TANC2: variants seen among roughly 807,000 people sequenced by gnomAD.
TANC2 encodes protein TANC2.
In TANC2, 26 loss-of-function variants were observed where a neutral mutation model predicts 210.5. The ratio of observed to expected loss-of-function variants is 0.12; its 90% CI spans 0.09 to 0.17. The LOEUF is 0.17. TANC2 is among the 10% of genes least tolerant of loss of function. TANC2 has a pLI of 1.00. For missense variants in TANC2, 2,129 were observed against 2,608.9 expected, an observed-to-expected ratio of 0.82 and a Z score of 4.01; for synonymous variants, 931 against 967.1, an observed-to-expected ratio of 0.96 and a Z score of 0.69.
At chr17:63,004,826 G>A in intron 1 of TANC2, 1 of 312,394 alleles carries the variant, frequency 3.2e-6, no homozygotes, top group Admixed American at 3.8e-5. Context: ...TCTTTACCAA[G>A]GGCCTTTTTT....
intron 1 of TANC2, among the ~76,000 whole-genome samples, chr17:62,982,985 C>T (rs887008695): frequency 1.3e-5 from 2 of 152,080 alleles, no homozygotes; most frequent in Non-Finnish European, 2.9e-5. Context: ...ATTTCTTTTT[C>T]CTATTTCTGT....
chr17:63,033,267 T>C (rs1157271787), intron 2 of TANC2, among the ~76,000 whole-genome samples: 1 of 152,144 alleles, frequency 6.6e-6, no homozygotes. Context: ...CCAGTCCTTT[T>C]CCGTTCCCCA....
intron 21 of TANC2, among the ~76,000 whole-genome samples, chr17:63,409,428 C>T (rs2048619511): frequency 6.6e-6 from 1 of 152,170 alleles, no homozygotes; most frequent in Admixed American, 6.5e-5. Context: ...TCAAGCAGTC[C>T]TCCCACCTCG....
rs117825642 is a variant in TANC2 at position 63,396,129 on chromosome 17, G to A, written c.3237+201G>A. On this transcript the variant is annotated intron_variant, in intron 18 of 27. Coordinates refer to ENST00000689528, the Ensembl canonical transcript of TANC2. ...TCCCTCAAATTATAGGTATAGAAAG[G>A]TGCGAGTTGGAAAGGACCGTGGAAA... 1,850 of 555,734 alleles carry A rather than the reference G, an allele frequency of 3.3e-3. 4 individuals carry two copies. The highest frequency in any genetic ancestry group is 4.7e-3 in the Non-Finnish European group (1,474 of 316,004). 34.4% of individuals were successfully genotyped at this position (555,734 alleles called of 1,614,324 possible).
At chr17:63,045,849 T>C (rs901597846) in intron 2 of TANC2, among the ~76,000 whole-genome samples, 1 of 152,114 alleles carries the variant, frequency 6.6e-6, no homozygotes, top group East Asian at 1.9e-4. Context: ...CTATATTGCC[T>C]AGGCTGGTCT....
intron 1 of TANC2, among the ~76,000 whole-genome samples, chr17:62,988,675 A>G (rs2032701044): frequency 6.6e-6 from 1 of 152,224 alleles, no homozygotes. Flanking sequence ...AGGAATTTGG[A>G]AGAGAATAAA....
chr17:63,211,528 A>C (rs1440589649), intron 7 of TANC2, among the ~76,000 whole-genome samples: 3 of 152,036 alleles, frequency 2.0e-5, no homozygotes, highest in African/African-American at 7.2e-5. Flanking sequence ...AATCCAGCTG[A>C]GAAGTGTTCT....
intron 2 of TANC2, among the ~76,000 whole-genome samples, chr17:63,044,541 G>A (rs941852736): frequency 1.6e-4 from 25 of 151,950 alleles, no homozygotes; most frequent in African/African-American, 6.0e-4. Context: ...TTTTTTGTGT[G>A]TGTGATCATA....
chr17:63,094,792 T>C (rs1265174131), intron 3 of TANC2, among the ~76,000 whole-genome samples: 1 of 152,178 alleles, frequency 6.6e-6, no homozygotes, highest in African/African-American at 2.4e-5. Context: ...CTTCTGAATG[T>C]CTAGTCACCA....
chr17:63,403,279 G>A (rs2048397763), intron 19 of TANC2, among the ~76,000 whole-genome samples: 1 of 151,858 alleles, frequency 6.6e-6, no homozygotes, highest in South Asian at 2.1e-4. Flanking sequence ...AATGTATTTG[G>A]CACCCTCACA....
rs1420296508 is a variant in TANC2 at position 63,098,472 on chromosome 17, ACACACACATACACTCT to A, written c.140-701_140-686del. Among the ~76,000 whole-genome samples the A allele has an allele frequency of 2.7e-3, 101 of 37,186 alleles. 1 individual carries two copies. The highest frequency in any genetic ancestry group is 5.5e-3 in the African/African-American group (29 of 5,256). The allele number at this position is 37,186 out of a possible 152,430, so 24.4% of individuals were successfully genotyped here. A position where few individuals can be genotyped will look rare whatever the true frequency, so the allele number is the denominator to read the frequency against. On this transcript the variant is annotated intron_variant, in intron 3 of 27. Transcript: ENST00000689528. Reference sequence around the variant, plus strand: ...CACACACACACACACACACACACACACACACACATACACTCTCTCTCTCTCTCTCTCTCTCTCTGTG... The same window carrying A: ...CACACACACACACACACACACACACACTCTCTCTCTCTCTCTCTCTCTGTG...
intron 5 of TANC2, among the ~76,000 whole-genome samples, chr17:63,167,254 C>G (rs191412415): frequency 1.3e-5 from 2 of 152,238 alleles, no homozygotes; most frequent in East Asian, 3.9e-4. Context: ...ATAGCATTGT[C>G]ATGAGAATTA....
At chr17:63,267,323 A>G (rs1240011931) in intron 8 of TANC2, among the ~76,000 whole-genome samples, 4 of 152,180 alleles carry the variant, frequency 2.6e-5, no homozygotes, top group African/African-American at 7.2e-5. Flanking sequence ...TGATCCAGAC[A>G]TTCAGAGGCA....
At chr17:63,067,695 A>G (rs1052011935) in intron 2 of TANC2, among the ~76,000 whole-genome samples, 1 of 152,138 alleles carries the variant, frequency 6.6e-6, no homozygotes, top group African/African-American at 2.4e-5. Flanking sequence ...GTTCAGTAGC[A>G]TAATGGAAGT....
At chr17:62,989,373 G>T (rs1002172850) in intron 1 of TANC2, among the ~76,000 whole-genome samples, 1 of 152,212 alleles carries the variant, frequency 6.6e-6, no homozygotes, top group African/African-American at 2.4e-5. Context: ...GAGTGCAAAA[G>T]ATATAATTTG....
intron 7 of TANC2, among the ~76,000 whole-genome samples, chr17:63,203,382 G>A (rs1367937595): frequency 2.0e-5 from 3 of 151,950 alleles, no homozygotes; most frequent in Non-Finnish European, 2.9e-5. Flanking sequence ...TAATATACTC[G>A]GTTACAGGAT....
At chr17:63,413,234 A>G (rs936319147) in intron 24 of TANC2, 3 of 273,738 alleles carry the variant, frequency 1.1e-5, no homozygotes, top group African/African-American at 6.6e-5. Context: ...CCTTCCTCCC[A>G]ATTCCTTATT....
rs376617669 is a variant in TANC2, at chr17:63,059,132, T to A, written c.68-14811T>A. 9.9e-5 allele frequency among the ~76,000 whole-genome samples: 15 copies of A among 152,168 alleles called. No individual in the cohort carries two copies. In the East Asian group the frequency reaches 2.1e-3, roughly 22 times the overall value. On this transcript the variant is annotated intron_variant, in intron 2 of 27. Transcript: ENST00000689528. ...TGATTTCTTTGGGAATTAATTTTTT[T>A]ATGTTTTTTTTAAAATCTGTTAAGA...
At chr17:63,201,522 A>C (rs376857663) in intron 7 of TANC2, among the ~76,000 whole-genome samples, 8 of 152,100 alleles carry the variant, frequency 5.3e-5, no homozygotes, top group African/African-American at 1.9e-4. Flanking sequence ...ATACGAATAC[A>C]TTTTTATGGC....
Sources: allele counts gnomAD v4.1 joint callset (sites outside exome capture counted in the v4.1 genomes callset), GRCh38; gene constraint gnomAD v4.1.1; transcripts MANE v1.5; gene names NCBI Gene and HGNC (gene_info 2026-07-23, HGNC 2026-07-21).